Variants in TRDN observed in about 807,000 individuals in gnomAD.
TRDN encodes the protein triadin in skeletal muscle.
TRDN carries 161 observed loss-of-function variants against 149.7 expected under a neutral mutation model. The ratio of observed to expected loss-of-function variants is 1.08; its 90% confidence interval spans 0.95 to 1.23. The LOEUF (loss-of-function observed/expected upper bound fraction) is 1.23. Ranked by LOEUF, TRDN falls within the 50% of genes most tolerant of loss-of-function variation. The pLI, the probability that TRDN is intolerant of heterozygous loss-of-function variation, is 0.00. For missense variants in TRDN, 896 were observed against 823.5 expected, an observed-to-expected ratio of 1.09 and a Z score of -1.08; for synonymous variants, 294 against 250.5, an observed-to-expected ratio of 1.17 and a Z score of -1.64.
chr6:123,499,719 A>AAAAAAAAAAAATATATAT, intron 8 of TRDN, among the ~76,000 whole-genome samples: 9 of 47,672 alleles, frequency 1.9e-4, no homozygotes, highest in African/African-American at 7.2e-5. Context: ...AAAAAAAAAA[A>AAAAAAAAAAAATATATAT]ATATATATAT....
At chr6:123,339,081 T>C (rs2017475) in intron 21 of TRDN, among the ~76,000 whole-genome samples, 28,068 of 151,900 alleles carry the variant, frequency 0.18, 3,540 homozygotes, top group East Asian at 0.63. Flanking sequence ...GGCGCGATCT[T>C]GGCTCACTGA....
At chr6:123,250,951 T>G (rs1376428241) in intron 38 of TRDN, among the ~76,000 whole-genome samples, 1 of 152,150 alleles carries the variant, frequency 6.6e-6, no homozygotes, top group African/African-American at 2.4e-5. Flanking sequence ...GATGCTATCT[T>G]TCTTTGTCAG....
At chr6:123,560,411 A>C (rs1781922874) in intron 2 of TRDN, among the ~76,000 whole-genome samples, 1 of 152,076 alleles carries the variant, frequency 6.6e-6, no homozygotes, top group South Asian at 2.1e-4. Flanking sequence ...CTCACTATGC[A>C]AGGGTCCTCC....
At chr6:123,425,813 T>C (rs982087416) in intron 12 of TRDN, among the ~76,000 whole-genome samples, 9 of 152,020 alleles carry the variant, frequency 5.9e-5, no homozygotes, top group African/African-American at 1.7e-4. Context: ...ATCTGAGAAA[T>C]CAGGCAGCAA....
intron 27 of TRDN, among the ~76,000 whole-genome samples, chr6:123,273,578 A>G (rs1446127321): frequency 1.3e-5 from 2 of 152,018 alleles, no homozygotes; most frequent in African/African-American, 4.8e-5. Flanking sequence ...AATCAGGAAA[A>G]TAAATAATAA....
intron 26 of TRDN, among the ~76,000 whole-genome samples, 156 bp downstream of exon 26, chr6:123,278,162 C>T (rs1777444167): frequency 6.6e-6 from 1 of 151,686 alleles, no homozygotes; most frequent in Admixed American, 6.6e-5. Context: ...AAATGGGTAG[C>T]ATAGAGAAAT....
chr6:123,571,233 C>T (rs917964388), intron 1 of TRDN, 101 bp from the exon 2 acceptor site: 4 of 1,226,860 alleles, frequency 3.3e-6, no homozygotes, highest in African/African-American at 3.0e-5. Context: ...GTTTATACTG[C>T]TTTCTAGAGC....
intron 20 of TRDN, among the ~76,000 whole-genome samples, chr6:123,355,904 T>C (rs1246927696): frequency 6.6e-6 from 1 of 151,814 alleles, no homozygotes; most frequent in Non-Finnish European, 1.5e-5. Context: ...AACAGCATTG[T>C]AGTCATCTTT....
intron 10 of TRDN, among the ~76,000 whole-genome samples, chr6:123,448,660 C>T (rs978047728): frequency 1.3e-5 from 2 of 152,012 alleles, no homozygotes; most frequent in African/African-American, 2.4e-5. Flanking sequence ...ACCCAGGTAG[C>T]AGAAGACAAA....
chr6:123,316,592 AC>A, intron 23 of TRDN, 97 bp from the exon 24 acceptor site: 1 of 998,240 alleles, frequency 1.0e-6, no homozygotes, highest in Non-Finnish European at 1.5e-6. Flanking sequence ...GGTAGGCTTC[AC>A]TGATTTTTCT....
chr6:123,543,949 T>G (rs551621021), intron 4 of TRDN, among the ~76,000 whole-genome samples: 1 of 152,200 alleles, frequency 6.6e-6, no homozygotes, highest in East Asian at 1.9e-4. Context: ...GTGTACATAT[T>G]GAAAATTTTA....
rs2114708587 is a variant in TRDN at position 123,321,639 on chromosome 6, C to T, written c.1472-5144G>A. On this transcript the variant is annotated intron_variant, in intron 23 of 40. Transcript: ENST00000334268. ...GCATGTGCCTGCACACACACACACT[C>T]ACACTCTTCCACATTCTGTTTTCTG... Among the ~76,000 whole-genome samples, 3 of 152,162 alleles carry T rather than the reference C, an allele frequency of 2.0e-5. No homozygotes were observed. In the South Asian group the frequency reaches 6.2e-4, roughly 32 times the overall value.
At chr6:123,375,529 G>C (rs1781471748) in intron 19 of TRDN, 76 bp downstream of exon 19, 1 of 1,273,228 alleles carries the variant, frequency 7.9e-7, no homozygotes, top group Non-Finnish European at 1.1e-6. Context: ...ATTAGCATTA[G>C]CATAGTCTAT....
At chr6:123,609,122 G>A (rs143904359) in intron 1 of TRDN, among the ~76,000 whole-genome samples, 2,479 of 151,986 alleles carry the variant, frequency 0.016, 60 homozygotes, top group African/African-American at 0.057. Context: ...GGAGTGAGCC[G>A]AGGTTGTGAC....
rs1775270188 is a variant in TRDN, at chr6:123,224,198, T to C, written c.1976-67A>G. 5 of 1,488,090 alleles carry C rather than the reference T, an allele frequency of 3.4e-6. No homozygotes were observed. In the Admixed American group the frequency reaches 8.6e-5, roughly 26 times the overall value. The allele number at this position is 1,488,090 out of a possible 1,614,324, so 92.2% of individuals were successfully genotyped here. On this transcript the variant is annotated intron_variant, in intron 38 of 40. Transcript: ENST00000334268. ...TTCAGTTTTCCCAGAGGAAGTATTG[T>C]ATTTAAAGGTTTTTAAGAGTCACAA... is the stretch of plus-strand genomic sequence containing the variant.
chr6:123,344,310 T>A (rs1317539313), intron 21 of TRDN, among the ~76,000 whole-genome samples: 2 of 151,964 alleles, frequency 1.3e-5, no homozygotes, highest in African/African-American at 4.8e-5. Context: ...TACATTAGGG[T>A]TCAATCTTAG....
chr6:123,355,496 T>G (rs1302997316), intron 20 of TRDN, among the ~76,000 whole-genome samples: 1 of 151,746 alleles, frequency 6.6e-6, no homozygotes, highest in African/African-American at 2.4e-5. Flanking sequence ...TGGATACCAC[T>G]CAGTCTTGAT....
At chr6:123,355,252 C>T (rs12215272) in intron 20 of TRDN, among the ~76,000 whole-genome samples, 57,294 of 151,166 alleles carry the variant, frequency 0.38, 11,556 homozygotes, top group Middle Eastern at 0.48. Context: ...CTCTGGTTTA[C>T]GTTAACAGGA....
At position 123,473,571 on chromosome 6, in the gene TRDN, T is replaced by A. The variant is rs543276705; in HGVS notation, c.854-8588A>T. Among the ~76,000 whole-genome samples the A allele has an allele frequency of 1.1e-4, 17 of 151,784 alleles. No homozygotes were observed. In the South Asian group the frequency reaches 3.5e-3, roughly 32 times the overall value. ...CCAATCTAGCAAGGCAGGCCAACGTTCAGATTCAGGAAATACAGAGAAGGC... is the reference window on the plus strand; with the variant it reads ...CCAATCTAGCAAGGCAGGCCAACGTACAGATTCAGGAAATACAGAGAAGGC... On this transcript the variant is annotated intron_variant, in intron 9 of 40. Transcript: ENST00000334268.
Sources: allele counts gnomAD v4.1 joint callset (sites outside exome capture counted in the v4.1 genomes callset), GRCh38; gene constraint gnomAD v4.1.1; transcripts MANE v1.5; gene names NCBI Gene and HGNC (gene_info 2026-07-23, HGNC 2026-07-21).